Variants in ASIC2 observed in about 807,000 individuals in gnomAD.
ASIC2 encodes acid-sensing ion channel 2.
In ASIC2, 25 loss-of-function variants were observed where a neutral mutation model predicts 57.3. The ratio of observed to expected loss-of-function variants is 0.44; its 90% CI spans 0.32 to 0.61. The LOEUF (loss-of-function observed/expected upper bound fraction) is 0.61, where lower values mean the gene tolerates loss of function less well. Ranked by LOEUF, ASIC2 falls within the 20% of genes least tolerant of loss-of-function variation. ASIC2 has a pLI of 0.06. For synonymous variants in ASIC2, 319 were observed against 307.5 expected (o/e 1.04, Z -0.39); for missense variants, 641 against 738.1 (o/e 0.87, Z 1.52).
chr17:34,079,526 G>A (rs1161886761), intron 1 of ASIC2, among the ~76,000 whole-genome samples: 1 of 152,168 alleles, frequency 6.6e-6, no homozygotes, highest in Admixed American at 6.5e-5. Flanking sequence ...TTCCCACCTA[G>A]TGAATCTCAA....
intron 1 of ASIC2, among the ~76,000 whole-genome samples, chr17:34,084,156 G>A (rs1015297416): frequency 6.6e-6 from 1 of 151,724 alleles, no homozygotes; most frequent in Non-Finnish European, 1.5e-5. Flanking sequence ...ATGGTTTTAG[G>A]TCTAACGTTT....
intron 1 of ASIC2, among the ~76,000 whole-genome samples, chr17:33,630,943 G>C (rs1288437463): frequency 6.6e-6 from 1 of 152,226 alleles, no homozygotes; most frequent in Admixed American, 6.5e-5. Flanking sequence ...CTCACCAAAA[G>C]GGTGAGACCA....
intron 1 of ASIC2, among the ~76,000 whole-genome samples, chr17:33,430,272 G>T (rs1911362511): frequency 6.6e-6 from 1 of 152,114 alleles, no homozygotes; most frequent in Admixed American, 6.6e-5. Context: ...CACCTTCAAG[G>T]GTTTTATGGG....
intron 1 of ASIC2, among the ~76,000 whole-genome samples, chr17:33,826,981 T>G (rs995696586): frequency 6.6e-6 from 1 of 152,156 alleles, no homozygotes; most frequent in Non-Finnish European, 1.5e-5. Flanking sequence ...GAAGTCTTTA[T>G]GAAGGGGTTG....
rs1905440231 is a variant in ASIC2, at chr17:33,291,434, G to C, written c.682C>G (p.Leu228Val). ...MLLSCKYRGELCGPHNFSSVF... is the reference protein window; with the variant it reads ...MLLSCKYRGEVCGPHNFSSVF... ...GAGGAGAAGTTGTGCGGCCCGCAGAGCTCGCCGCGGTACTTGCAGGAGAGC... is the reference window on the plus strand; with the variant it reads ...GAGGAGAAGTTGTGCGGCCCGCAGACCTCGCCGCGGTACTTGCAGGAGAGC... Residue 228 changes from leucine (L) to valine (V), a missense_variant, in exon 1 of 10, where the codon CTC becomes GTC. Leu to Val is a conservative substitution (Grantham distance 32). Transcript: ENST00000225823. The C allele has an allele frequency of 6.2e-7, 1 of 1,605,030 alleles. No homozygotes were observed. Among genetic ancestry groups the C allele is most frequent in the Admixed American group, 1.7e-5 (1 of 59,602 alleles).
intron 1 of ASIC2, among the ~76,000 whole-genome samples, chr17:33,667,818 C>G (rs1907524170): frequency 1.3e-5 from 2 of 152,156 alleles, no homozygotes; most frequent in Non-Finnish European, 2.9e-5. Context: ...GGGATGGTCC[C>G]AAGGGGAAAA....
chr17:33,642,981 C>T (rs1360859920), intron 1 of ASIC2, among the ~76,000 whole-genome samples: 1 of 152,148 alleles, frequency 6.6e-6, no homozygotes, highest in Non-Finnish European at 1.5e-5. Flanking sequence ...AGGGTGGGTG[C>T]CCTTGGCAGC....
intron 1 of ASIC2, among the ~76,000 whole-genome samples, chr17:33,493,290 T>C (rs1913817721): frequency 1.3e-5 from 2 of 152,230 alleles, no homozygotes; most frequent in South Asian, 4.1e-4. Flanking sequence ...TTGAATTTCC[T>C]GTCCTTCTTG....
intron 1 of ASIC2, among the ~76,000 whole-genome samples, chr17:33,453,981 C>T (rs949738659): frequency 1.3e-5 from 2 of 152,112 alleles, no homozygotes; most frequent in Non-Finnish European, 2.9e-5. Context: ...TTTATTTTTC[C>T]TATATGGTTG....
chr17:33,093,538 G>A (rs923824613), intron 2 of ASIC2, among the ~76,000 whole-genome samples: 17 of 152,006 alleles, frequency 1.1e-4, no homozygotes, highest in African/African-American at 3.1e-4. Flanking sequence ...AAGCTGAAAC[G>A]CAGACAGCGT....
At chr17:33,499,723 T>C (rs1330153050) in intron 1 of ASIC2, among the ~76,000 whole-genome samples, 3 of 152,152 alleles carry the variant, frequency 2.0e-5, no homozygotes, top group African/African-American at 7.2e-5. Flanking sequence ...TCAACCAGAG[T>C]GACACGTAAC....
intron 1 of ASIC2, among the ~76,000 whole-genome samples, chr17:33,749,899 T>G (rs1287022515): frequency 6.6e-6 from 1 of 152,080 alleles, no homozygotes; most frequent in African/African-American, 2.4e-5. Context: ...TGCTGCCAAC[T>G]CCAAGGCTGT....
intron 1 of ASIC2, among the ~76,000 whole-genome samples, chr17:33,303,499 A>T (rs747578589): frequency 5.9e-5 from 9 of 152,218 alleles, no homozygotes; most frequent in Non-Finnish European, 1.3e-4. Context: ...CTCTTTCAAC[A>T]TCGAAGTGAC....
intron 1 of ASIC2, among the ~76,000 whole-genome samples, chr17:34,148,803 C>T (rs1904390929): frequency 6.6e-6 from 1 of 152,126 alleles, no homozygotes; most frequent in South Asian, 2.1e-4. Context: ...AATAAATTTC[C>T]ATCAAAGGAG....
chr17:33,764,936 G>A (rs1910891203), intron 1 of ASIC2, among the ~76,000 whole-genome samples: 1 of 152,056 alleles, frequency 6.6e-6, no homozygotes, highest in Non-Finnish European at 1.5e-5. Flanking sequence ...TGGACCATCA[G>A]CCTGGGCGTA....
intron 3 of ASIC2, among the ~76,000 whole-genome samples, chr17:33,039,390 G>A (rs3025237): frequency 0.031 from 4,653 of 152,176 alleles, 191 homozygotes; most frequent in African/African-American, 0.098. Flanking sequence ...ATCCTGGCTC[G>A]TCTTCCGCTG....
At chr17:33,336,951 T>C (rs1277806662) in intron 1 of ASIC2, among the ~76,000 whole-genome samples, 1 of 152,176 alleles carries the variant, frequency 6.6e-6, no homozygotes, top group Non-Finnish European at 1.5e-5. Flanking sequence ...GAAATATTCC[T>C]AGAGCAGAGA....
chr17:33,525,751 T>G (rs1016441669), intron 1 of ASIC2, among the ~76,000 whole-genome samples: 1 of 152,364 alleles, frequency 6.6e-6, no homozygotes, highest in East Asian at 1.9e-4. Flanking sequence ...CTTTTCTTAC[T>G]GAGCTTGAAT....
intron 1 of ASIC2, among the ~76,000 whole-genome samples, chr17:33,214,695 A>G (rs762829293): frequency 3.3e-5 from 5 of 152,032 alleles, no homozygotes; most frequent in Admixed American, 6.6e-5. Flanking sequence ...TTCCCAGGTG[A>G]TGCCGATGCT....
Sources: gnomAD v4.1 joint callset for allele counts (sites outside exome capture counted in the v4.1 genomes callset) on GRCh38, gnomAD v4.1.1 for gene constraint, MANE v1.5 for transcripts, NCBI Gene and HGNC (gene_info 2026-07-23, HGNC 2026-07-21) for gene names.